Variants in MYO1D observed in about 807,000 individuals in gnomAD.
The protein encoded by MYO1D is unconventional myosin-Id.
Under a neutral mutation model 122.0 loss-of-function variants are expected in MYO1D, and 83 were observed. The ratio of observed to expected loss-of-function variants is 0.68; its 90% confidence interval spans 0.57 to 0.82. The LOEUF is 0.82. MYO1D is among the 40% of genes least tolerant of loss of function. MYO1D has a pLI of 0.00. For synonymous variants in MYO1D, 464 were observed against 446.9 expected (o/e 1.04, Z -0.48); for missense variants, 1,157 against 1,269.5 (o/e 0.91, Z 1.35).
intron 6 of MYO1D, among the ~76,000 whole-genome samples, chr17:32,769,541 T>C (rs986923098): frequency 2.0e-5 from 3 of 152,144 alleles, no homozygotes; most frequent in African/African-American, 7.2e-5. Flanking sequence ...CTGGTTAAGA[T>C]ACACACAGTG....
At chr17:32,860,217 A>C (rs1174637771) in intron 1 of MYO1D, among the ~76,000 whole-genome samples, 2 of 152,234 alleles carry the variant, frequency 1.3e-5, no homozygotes, top group African/African-American at 4.8e-5. Context: ...AGACAAGTGG[A>C]GGCAGAGTCC....
intron 21 of MYO1D, among the ~76,000 whole-genome samples, chr17:32,599,477 C>CA (rs2087535645): frequency 6.6e-6 from 1 of 152,188 alleles, no homozygotes. Flanking sequence ...GAGTTGGAAT[C>CA]AATGTTTTCC....
chr17:32,584,892 GGCCTATAGCTA>G (rs2150902894), intron 21 of MYO1D, among the ~76,000 whole-genome samples: 1 of 152,312 alleles, frequency 6.6e-6, no homozygotes, highest in East Asian at 1.9e-4. Context: ...TTTGCTCAAA[GGCCTATAGCTA>G]GCTGGTGGCA....
rs1006303107 is a variant in MYO1D at position 32,540,073 on chromosome 17, C to T, written c.2865-45158G>A. ...CAAAAAAAAGAAAAGAGGCCGGACACAGTGGCTCATGCCTGTAATCCCAGC... is the reference window on the plus strand; with the variant it reads ...CAAAAAAAAGAAAAGAGGCCGGACATAGTGGCTCATGCCTGTAATCCCAGC... On this transcript the variant is annotated intron_variant, in intron 21 of 21. Coordinates refer to ENST00000318217, the MANE Select transcript of MYO1D (RefSeq NM_015194.3). Among the ~76,000 whole-genome samples the T allele has an allele frequency of 3.3e-5, 5 of 152,096 alleles. No individual in the cohort carries two copies. The South Asian group carries it at 1.0e-3, about 32-fold the overall frequency.
rs528236077 is a variant in MYO1D at position 32,788,288 on chromosome 17, T to G, written c.96-7504A>C. Among the ~76,000 whole-genome samples, 5 of 152,374 alleles carry G rather than the reference T, an allele frequency of 3.3e-5. No individual in the cohort carries two copies. In the East Asian group the frequency reaches 7.7e-4, roughly 23 times the overall value. ...TTTCTTTTGCTGTGCAGAAGCTTTT[T>G]AGTTTAAGTAGGTCCCATCTATTTA... is the stretch of plus-strand genomic sequence containing the variant. On this transcript the variant is annotated intron_variant, in intron 1 of 21. Coordinates refer to ENST00000318217, the MANE Select transcript of MYO1D (RefSeq NM_015194.3).
At chr17:32,636,522 G>A (rs115520896) in intron 20 of MYO1D, among the ~76,000 whole-genome samples, 2,883 of 152,254 alleles carry the variant, frequency 0.019, 83 homozygotes, top group African/African-American at 0.063. Context: ...CATCGAACTT[G>A]CTCCCTCTGA....
In MYO1D at chr17:32,862,119, G is replaced by A. The variant is rs549447776; in HGVS notation, c.95+14659C>T. Among the ~76,000 whole-genome samples, 5 of 152,068 alleles carry A rather than the reference G, an allele frequency of 3.3e-5. No homozygotes were observed. The East Asian group carries it at 7.7e-4, about 23-fold the overall frequency. On this transcript the variant is annotated intron_variant, in intron 1 of 21. Transcript: ENST00000318217. ...CTCTCCCCCAACAGGCACATATTCC[G>A]CATCCTTCTGATCTTGCTTAAAGCT...
intron 16 of MYO1D, among the ~76,000 whole-genome samples, chr17:32,687,990 G>C (rs1228834192): frequency 6.6e-6 from 1 of 152,064 alleles, no homozygotes; most frequent in African/African-American, 2.4e-5. Context: ...AATGATCTAA[G>C]ATTTAAACAC....
At chr17:32,676,575 AG>A (rs1431487643) in intron 16 of MYO1D, among the ~76,000 whole-genome samples, 1 of 152,044 alleles carries the variant, frequency 6.6e-6, no homozygotes, top group Non-Finnish European at 1.5e-5. Context: ...AGAATGTCCA[AG>A]GGACTTCTAG....
intron 1 of MYO1D, among the ~76,000 whole-genome samples, chr17:32,832,343 C>T (rs1226377294): frequency 6.6e-6 from 1 of 151,418 alleles, no homozygotes; most frequent in Non-Finnish European, 1.5e-5. Context: ...CTCTGTCACC[C>T]AGGCTGAAGT....
At chr17:32,554,098 CAG>C (rs1390941378) in intron 21 of MYO1D, among the ~76,000 whole-genome samples, 2 of 152,192 alleles carry the variant, frequency 1.3e-5, no homozygotes, top group Non-Finnish European at 2.9e-5. Context: ...TCATCACCTA[CAG>C]CCATTCAGTT....
intron 11 of MYO1D, among the ~76,000 whole-genome samples, chr17:32,753,285 A>G (rs1027276699): frequency 2.0e-5 from 3 of 152,206 alleles, no homozygotes; most frequent in Admixed American, 6.5e-5. Flanking sequence ...CATATTGGGT[A>G]CAATGTTCAC....
intron 21 of MYO1D, among the ~76,000 whole-genome samples, chr17:32,537,165 T>C (rs151018915): frequency 2.0e-5 from 3 of 152,324 alleles, no homozygotes; most frequent in African/African-American, 7.2e-5. Context: ...GTGTGGCCCA[T>C]GTTACAGTCA....
chr17:32,648,587 G>C (rs2088334808), intron 19 of MYO1D, among the ~76,000 whole-genome samples: 1 of 152,188 alleles, frequency 6.6e-6, no homozygotes, highest in Non-Finnish European at 1.5e-5. Context: ...CCTTCACGGA[G>C]GGGAGAGGGG....
intron 21 of MYO1D, among the ~76,000 whole-genome samples, chr17:32,582,056 G>A (rs1044619231): frequency 3.9e-5 from 6 of 151,946 alleles, no homozygotes; most frequent in East Asian, 1.9e-4. Flanking sequence ...GATTACAGAC[G>A]TGAGGCACCA....
In MYO1D at chr17:32,866,359, C is replaced by T. The variant is rs115612615; in HGVS notation, c.95+10419G>A. 4.0e-3 allele frequency among the ~76,000 whole-genome samples: 609 copies of T among 152,272 alleles called. 3 individuals carry two copies. Among genetic ancestry groups the T allele is most frequent in the African/African-American group, 0.013 (560 of 41,528 alleles). On this transcript the variant is annotated intron_variant, in intron 1 of 21. Coordinates refer to ENST00000318217, the MANE Select transcript of MYO1D (RefSeq NM_015194.3). ...ACAATTTTTAATTGAGCAAAGTTTT[C>T]GTCAGGTACCCTCCCCTCTCTGTCA...
chr17:32,758,549 A>G (rs1446896461), intron 10 of MYO1D, among the ~76,000 whole-genome samples: 2 of 152,290 alleles, frequency 1.3e-5, no homozygotes, highest in East Asian at 1.9e-4. Context: ...AAATAATGTG[A>G]TATCTGAAAT....
At chr17:32,593,394 G>A (rs1387362353) in intron 21 of MYO1D, among the ~76,000 whole-genome samples, 1 of 152,124 alleles carries the variant, frequency 6.6e-6, no homozygotes, top group Non-Finnish European at 1.5e-5. Flanking sequence ...TCTGAGGCTC[G>A]TTTGTCTGCT....
intron 1 of MYO1D, among the ~76,000 whole-genome samples, chr17:32,851,339 G>GGAA (rs2090987079): frequency 6.6e-6 from 1 of 152,130 alleles, no homozygotes; most frequent in Admixed American, 6.5e-5. Flanking sequence ...CCAGAGCTCT[G>GGAA]GAACCCATCC....
Sources: allele counts gnomAD v4.1 joint callset (sites outside exome capture counted in the v4.1 genomes callset), GRCh38; gene constraint gnomAD v4.1.1; transcripts MANE v1.5; gene names NCBI Gene and HGNC (gene_info 2026-07-23, HGNC 2026-07-21).